The following HKDC1 variants were observed in gnomAD, a reference collection of about 807,000 sequenced individuals.
HKDC1 encodes hexokinase HKDC1.
HKDC1 carries 66 observed loss-of-function variants against 96.6 expected under a neutral mutation model. The observed-to-expected ratio is 0.68, with a 90% confidence interval of 0.56 to 0.84. The LOEUF (loss-of-function observed/expected upper bound fraction) is 0.84. Among genes scored for constraint, HKDC1 ranks in the 40% least tolerant of loss-of-function variants. The pLI, the probability that HKDC1 is intolerant of heterozygous loss-of-function variation, is 0.00. For synonymous variants in HKDC1, 466 were observed against 473.1 expected (o/e 0.98, Z 0.20); for missense variants, 1,211 against 1,208.1 (o/e 1.00, Z -0.04).
chr10:69,263,830 T>C (rs1843847943), intron 16 of HKDC1, among the ~76,000 whole-genome samples: 1 of 152,216 alleles, frequency 6.6e-6, no homozygotes, highest in Admixed American at 6.5e-5. Flanking sequence ...TATACAAATG[T>C]TATTCATTCA....
chr10:69,261,613 A>G (rs1843811978), intron 16 of HKDC1: 1 of 235,164 alleles, frequency 4.3e-6, no homozygotes, highest in African/African-American at 2.2e-5. Context: ...AGGATTCTTA[A>G]TAAAACATAA....
intron 13 of HKDC1, 97 bp downstream of exon 13, chr10:69,257,228 T>C (rs1843732416): frequency 6.9e-7 from 1 of 1,446,062 alleles, no homozygotes; most frequent in Non-Finnish European, 9.7e-7. Context: ...CTCTGGCCTC[T>C]GTCTGCCTTG....
intron 2 of HKDC1, among the ~76,000 whole-genome samples, chr10:69,231,465 C>A (rs535563265): frequency 2.0e-4 from 30 of 152,170 alleles, no homozygotes; most frequent in African/African-American, 5.3e-4. Flanking sequence ...TTCCTTTGCC[C>A]GTGGTTCCTC....
chr10:69,220,577 G>A, intron 1 of HKDC1, 79 bp downstream of exon 1: 1 of 1,000,512 alleles, frequency 1.0e-6, no homozygotes, highest in Non-Finnish European at 1.5e-6. Flanking sequence ...AAAAAAATCA[G>A]AAGGGAGTGA....
intron 4 of HKDC1, among the ~76,000 whole-genome samples, chr10:69,233,708 C>G (rs991014487): frequency 6.6e-6 from 1 of 151,678 alleles, no homozygotes; most frequent in East Asian, 1.9e-4. Flanking sequence ...ACCATCCTGG[C>G]TAACATGGTG....
intron 6 of HKDC1, among the ~76,000 whole-genome samples, chr10:69,242,436 A>AC (rs1420124025): frequency 6.7e-6 from 1 of 148,684 alleles, no homozygotes; most frequent in Non-Finnish European, 1.5e-5. Flanking sequence ...GAAGAAAAAA[A>AC]AAAAAAAAAA....
intron 4 of HKDC1, among the ~76,000 whole-genome samples, chr10:69,236,938 C>T (rs977515698): frequency 1.3e-5 from 2 of 152,104 alleles, no homozygotes; most frequent in Admixed American, 6.6e-5. Context: ...AAAACTCATT[C>T]CTGATAATAT....
At chr10:69,225,324 C>G (rs978178470) in intron 1 of HKDC1, among the ~76,000 whole-genome samples, 3 of 152,296 alleles carry the variant, frequency 2.0e-5, no homozygotes, top group African/African-American at 7.2e-5. Flanking sequence ...GCATCCCACC[C>G]TTCCCCAACC....
chr10:69,247,333 G>A (rs371680083), intron 8 of HKDC1, 27 bp from the exon 9 acceptor site: 35 of 1,507,682 alleles, frequency 2.3e-5, no homozygotes, highest in Admixed American at 3.3e-5. Flanking sequence ...GAGAAGTGTC[G>A]TTCACTCATT....
intron 7 of HKDC1, among the ~76,000 whole-genome samples, chr10:69,244,626 G>A (rs868864030): frequency 2.0e-5 from 3 of 151,614 alleles, no homozygotes; most frequent in Middle Eastern, 3.4e-3. Flanking sequence ...GACCAGCTTG[G>A]GCAACATAGT....
intron 4 of HKDC1, among the ~76,000 whole-genome samples, chr10:69,237,277 T>TTGTGTG (rs71035080): frequency 0.052 from 7,584 of 145,378 alleles, 219 homozygotes; most frequent in South Asian, 0.063. Context: ...AGAAATTTCT[T>TTGTGTG]TGTGTGTGTG....
intron 16 of HKDC1, among the ~76,000 whole-genome samples, chr10:69,264,777 T>C (rs534459381): frequency 6.6e-6 from 1 of 152,362 alleles, no homozygotes; most frequent in South Asian, 2.1e-4. Flanking sequence ...TCTTTCTTGA[T>C]AACACTCTTC....
intron 2 of HKDC1, among the ~76,000 whole-genome samples, chr10:69,229,159 C>T (rs535371280): frequency 3.9e-5 from 6 of 152,200 alleles, no homozygotes; most frequent in Admixed American, 1.3e-4. Flanking sequence ...GTGCCCAAAC[C>T]GAGCTCGTGA....
intron 12 of HKDC1, among the ~76,000 whole-genome samples, chr10:69,254,334 T>A (rs1230011534): frequency 6.6e-6 from 1 of 152,016 alleles, no homozygotes; most frequent in African/African-American, 2.4e-5. Flanking sequence ...TTTTTAACCA[T>A]TTTCTTATTG....
intron 2 of HKDC1, among the ~76,000 whole-genome samples, chr10:69,227,812 C>T (rs1003816646): frequency 6.6e-6 from 1 of 152,152 alleles, no homozygotes; most frequent in Non-Finnish European, 1.5e-5. Context: ...CCACAGTGTT[C>T]CCAGCACCTA....
At chr10:69,223,662 T>G (rs111490764) in intron 1 of HKDC1, among the ~76,000 whole-genome samples, 1 of 141,852 alleles carries the variant, frequency 7.0e-6, no homozygotes, top group Non-Finnish European at 1.5e-5. Context: ...CTTGGCTCAC[T>G]GCAACCTCCG....
At chr10:69,234,271 A>C (rs1004611997) in intron 4 of HKDC1, among the ~76,000 whole-genome samples, 2 of 152,074 alleles carry the variant, frequency 1.3e-5, no homozygotes, top group Admixed American at 6.6e-5. Flanking sequence ...GGCTTGAGTC[A>C]CTTATTGGTG....
chr10:69,241,422 T>C (rs1187333467), intron 6 of HKDC1, among the ~76,000 whole-genome samples: 1 of 152,054 alleles, frequency 6.6e-6, no homozygotes, highest in Non-Finnish European at 1.5e-5. Flanking sequence ...GCTTATCCCC[T>C]GAGGGAGACT....
At chr10:69,228,114 G>A (rs1375097163) in intron 2 of HKDC1, among the ~76,000 whole-genome samples, 4 of 152,190 alleles carry the variant, frequency 2.6e-5, no homozygotes, top group Admixed American at 1.3e-4. Flanking sequence ...CAAAATTCAG[G>A]TGTCGGCAGG....
Sources: gnomAD v4.1 joint callset for allele counts (sites outside exome capture counted in the v4.1 genomes callset) on GRCh38, gnomAD v4.1.1 for gene constraint, MANE v1.5 for transcripts, NCBI Gene and HGNC (gene_info 2026-07-23, HGNC 2026-07-21) for gene names.